The following LRRC7 variants were observed in gnomAD, a reference collection of about 807,000 sequenced individuals.
The protein encoded by LRRC7 is leucine-rich repeat-containing protein 7.
Under a neutral mutation model 175.7 loss-of-function variants are expected in LRRC7, and 23 were observed. That is an observed-to-expected ratio of 0.13 (90% confidence interval 0.09 to 0.19). LRRC7 has a LOEUF of 0.19. Among genes scored for constraint, LRRC7 ranks in the 10% least tolerant of loss-of-function variants. The pLI is 1.00. For missense variants in LRRC7, 1,354 were observed against 1,904.7 expected, an observed-to-expected ratio of 0.71 and a Z score of 5.38; for synonymous variants, 685 against 680.9, an observed-to-expected ratio of 1.01 and a Z score of -0.09.
rs1439539583 is a variant in LRRC7, at chr1:70,137,817, TAAG to T, written c.*15934_*15936del. ...CTGCCCTAGCAGCCTCTCTAAGCAC[TAAG>T]AAGTATAGCCATCTAAATCCTTACA... On this transcript the variant is annotated 3_prime_UTR_variant, in exon 27 of 27. Transcript: ENST00000651989. Among the ~76,000 whole-genome samples, 1 of 152,218 alleles carries T rather than the reference TAAG, an allele frequency of 6.6e-6. No homozygotes were observed. The highest frequency in any genetic ancestry group is 2.4e-5 in the African/African-American group (1 of 41,456).
chr1:69,779,019 C>CAT (rs71666626), intron 3 of LRRC7, among the ~76,000 whole-genome samples: 20 of 147,112 alleles, frequency 1.4e-4, no homozygotes, highest in African/African-American at 2.8e-4. Flanking sequence ...CACACACAAA[C>CAT]ATATATATAT....
At chr1:69,826,294 A>G (rs1380589617) in intron 5 of LRRC7, among the ~76,000 whole-genome samples, 5 of 152,164 alleles carry the variant, frequency 3.3e-5, no homozygotes, top group Admixed American at 1.3e-4. Flanking sequence ...TGCAGCAAGA[A>G]CAAAGAGATA....
At chr1:69,676,583 C>T (rs1011740414) in intron 1 of LRRC7, among the ~76,000 whole-genome samples, 7 of 152,022 alleles carry the variant, frequency 4.6e-5, no homozygotes, top group African/African-American at 1.7e-4. Flanking sequence ...GTTAAAGATG[C>T]TCACCCAAGT....
rs1667108225 is a variant in LRRC7 at position 70,142,595 on chromosome 1, A to T, written c.*20708A>T. 1 of 152,112 alleles carries T rather than the reference A, an allele frequency of 6.6e-6. No homozygotes were observed. Among genetic ancestry groups the T allele is most frequent in the South Asian group, 2.1e-4 (1 of 4,828 alleles). 9.4% of individuals were successfully genotyped at this position (152,112 alleles called of 1,614,324 possible). A position where few individuals can be genotyped will look rare whatever the true frequency, so the allele number is the denominator to read the frequency against. ...TTTTACTAGTGGAAAATTAGAAGTAAATCTACCAAATTCTGTTTGTAAATT... is the reference window on the plus strand; with the variant it reads ...TTTTACTAGTGGAAAATTAGAAGTATATCTACCAAATTCTGTTTGTAAATT... On this transcript the variant is annotated 3_prime_UTR_variant, in exon 27 of 27. Transcript: ENST00000651989.
At chr1:69,916,787 C>G (rs1001531513) in intron 7 of LRRC7, among the ~76,000 whole-genome samples, 6 of 152,000 alleles carry the variant, frequency 3.9e-5, no homozygotes, top group Admixed American at 6.6e-5. Flanking sequence ...GTTACTTGCG[C>G]TCACGGACTT....
rs113059339 is a variant in LRRC7, at chr1:69,622,933, G to A, written c.2+54292G>A. Among the ~76,000 whole-genome samples the A allele has an allele frequency of 4.6e-4, 70 of 152,258 alleles. 1 individual carries two copies. The highest frequency in any genetic ancestry group is 3.4e-3 in the Middle Eastern group (1 of 294). On this transcript the variant is annotated intron_variant, in intron 1 of 26. Coordinates refer to ENST00000651989, the MANE Select transcript of LRRC7 (RefSeq NM_001370785.2). ...TACTCTTAAGAGATGATGGGCTCAG[G>A]TCCTTCTTAAGACTGTGTCTGAGTA...
At chr1:69,630,948 G>A (rs1260937374) in intron 1 of LRRC7, among the ~76,000 whole-genome samples, 2 of 151,832 alleles carry the variant, frequency 1.3e-5, no homozygotes, top group Non-Finnish European at 2.9e-5. Flanking sequence ...CTTCTTTTTG[G>A]CTTTTGGGTT....
intron 2 of LRRC7, among the ~76,000 whole-genome samples, chr1:69,747,826 T>C (rs948428211): frequency 6.6e-6 from 1 of 152,086 alleles, no homozygotes; most frequent in Non-Finnish European, 1.5e-5. Context: ...GGTAACAAAA[T>C]CATTCCGTTT....
intron 8 of LRRC7, among the ~76,000 whole-genome samples, chr1:69,934,500 G>C (rs1854222): frequency 0.06 from 5,170 of 86,138 alleles, 147 homozygotes; most frequent in East Asian, 0.11. Context: ...TTGGCGGGGG[G>C]GGGGCGGGGG....
chr1:69,671,351 C>T (rs935216897), intron 1 of LRRC7, among the ~76,000 whole-genome samples: 20 of 152,220 alleles, frequency 1.3e-4, no homozygotes, highest in African/African-American at 4.6e-4. Context: ...CCTACTGTGG[C>T]TAAGCTGGTA....
intron 2 of LRRC7, among the ~76,000 whole-genome samples, chr1:69,714,138 T>G (rs1299635289): frequency 2.0e-5 from 3 of 152,156 alleles, no homozygotes; most frequent in Non-Finnish European, 4.4e-5. Flanking sequence ...GAGATTCTCC[T>G]TCTGCCACTC....
At chr1:69,609,349 ATC>A (rs578186126) in intron 1 of LRRC7, among the ~76,000 whole-genome samples, 2 of 152,208 alleles carry the variant, frequency 1.3e-5, no homozygotes, top group Admixed American at 1.3e-4. Flanking sequence ...TATTATTCTA[ATC>A]TCAGCTGATG....
chr1:69,954,861 A>T (rs925672912), intron 8 of LRRC7, among the ~76,000 whole-genome samples: 1 of 152,098 alleles, frequency 6.6e-6, no homozygotes, highest in African/African-American at 2.4e-5. Flanking sequence ...GCATTTACTC[A>T]TTCACTGATC....
chr1:69,925,253 G>T (rs968271522), intron 7 of LRRC7, among the ~76,000 whole-genome samples: 1 of 152,072 alleles, frequency 6.6e-6, no homozygotes, highest in Non-Finnish European at 1.5e-5. Context: ...ATATTGGTCT[G>T]TAATTCTCTT....
At chr1:70,063,991 A>G (rs1349003499) in intron 23 of LRRC7, among the ~76,000 whole-genome samples, 1 of 151,994 alleles carries the variant, frequency 6.6e-6, no homozygotes, top group East Asian at 1.9e-4. Flanking sequence ...AGGTTCTACC[A>G]CCTCACTTTT....
chr1:69,677,541 A>C (rs1057457271), intron 1 of LRRC7, among the ~76,000 whole-genome samples: 1 of 152,000 alleles, frequency 6.6e-6, no homozygotes, highest in Non-Finnish European at 1.5e-5. Context: ...ACAGCAGTGT[A>C]TAAGTGTTCC....
At chr1:69,907,796 C>T (rs1255662272) in intron 7 of LRRC7, among the ~76,000 whole-genome samples, 4 of 152,112 alleles carry the variant, frequency 2.6e-5, no homozygotes, top group East Asian at 3.9e-4. Flanking sequence ...AGGGAGGATT[C>T]CCTCTTTTTC....
At chr1:69,980,770 C>T (rs975002586) in intron 9 of LRRC7, among the ~76,000 whole-genome samples, 11 of 151,878 alleles carry the variant, frequency 7.2e-5, no homozygotes, top group African/African-American at 2.7e-4. Context: ...AGCAAAATAC[C>T]ATATATAATA....
chr1:69,993,221 A>G (rs375645106), intron 10 of LRRC7, among the ~76,000 whole-genome samples: 8 of 152,146 alleles, frequency 5.3e-5, no homozygotes, highest in Non-Finnish European at 1.0e-4. Context: ...AATTGCCACA[A>G]TGTGAACTGT....
Sources: allele counts gnomAD v4.1 joint callset (sites outside exome capture counted in the v4.1 genomes callset), GRCh38; gene constraint gnomAD v4.1.1; transcripts MANE v1.5; gene names NCBI Gene and HGNC (gene_info 2026-07-23, HGNC 2026-07-21).